Variants in EDA observed in about 807,000 individuals in gnomAD.
The protein encoded by EDA is ectodysplasin A, also known as ectodysplasin-A.
Under a neutral mutation model 23.6 loss-of-function variants are expected in EDA, and 2 were observed. That is an observed-to-expected ratio of 0.08 (90% CI 0.03 to 0.27). EDA has a LOEUF of 0.27. Among genes scored for constraint, EDA ranks in the 10% least tolerant of loss-of-function variants. The pLI is 1.00. For missense variants in EDA, 229 were observed against 324.2 expected (o/e 0.71, Z 2.26); for synonymous variants, 131 against 132.0 (o/e 0.99, Z 0.05).
At chrX:69,715,679 A>G (rs1252613010) in intron 1 of EDA, among the ~76,000 whole-genome samples, 1 of 111,885 alleles carries the variant, frequency 8.9e-6, no homozygotes, top group Non-Finnish European at 1.9e-5. Flanking sequence ...CAATAGTTGA[A>G]CTAATTTATT....
intron 1 of EDA, among the ~76,000 whole-genome samples, chrX:69,863,529 G>GTATATATATATACATATATA (rs1569358948): frequency 9.5e-5 from 3 of 31,496 alleles, no homozygotes; most frequent in African/African-American, 2.2e-4. Context: ...ATATATGTGT[G>GTATATATATATACATATATA]TGTATATATA....
intron 1 of EDA, among the ~76,000 whole-genome samples, chrX:69,946,885 G>A (rs1422748905): frequency 8.9e-6 from 1 of 112,066 alleles, no homozygotes; most frequent in Non-Finnish European, 1.9e-5. Flanking sequence ...TCTCATTTTA[G>A]TCATAACGCT....
intron 2 of EDA, among the ~76,000 whole-genome samples, chrX:69,971,973 T>C (rs779928135): frequency 9.0e-6 from 1 of 111,257 alleles, no homozygotes; most frequent in Admixed American, 9.6e-5. Flanking sequence ...GAGTTATATA[T>C]ATAAAATGGC....
chrX:69,820,395 G>T (rs1202665608), intron 1 of EDA, among the ~76,000 whole-genome samples: 1 of 111,710 alleles, frequency 9.0e-6, no homozygotes, highest in Non-Finnish European at 1.9e-5. Context: ...TTGACAAATG[G>T]GATCTAATTA....
At chrX:69,952,493 G>A (rs149507762) in intron 1 of EDA, among the ~76,000 whole-genome samples, 66 of 111,690 alleles carry the variant, frequency 5.9e-4, no homozygotes, top group African/African-American at 2.1e-3. Flanking sequence ...CCATGATTTA[G>A]TTGCCTCCCA....
intron 1 of EDA, among the ~76,000 whole-genome samples, chrX:69,709,726 C>A (rs2011893350): frequency 8.9e-6 from 1 of 111,818 alleles, no homozygotes; most frequent in South Asian, 3.7e-4. Context: ...AATTTTTGGA[C>A]TCTAGAGATC....
intron 1 of EDA, among the ~76,000 whole-genome samples, chrX:69,757,227 A>T (rs772783345): frequency 2.3e-4 from 25 of 110,963 alleles, no homozygotes; most frequent in Non-Finnish European, 3.8e-4. Context: ...GTCCTAGTAG[A>T]TGCTGTTGGA....
In EDA at chrX:70,010,098, T is replaced by C. The variant is rs890927468; in HGVS notation, c.503-13120T>C. On this transcript the variant is annotated intron_variant, in intron 2 of 7. Coordinates refer to ENST00000374552, the MANE Select transcript of EDA (RefSeq NM_001399.5). ...GAATGTGTATCCTACTATTGTTAGA[T>C]GAAGTATTCTATAAACGTCAGTTAG... Among the ~76,000 whole-genome samples, 6 of 112,133 alleles carry C rather than the reference T, an allele frequency of 5.4e-5. No homozygotes were observed. In the East Asian group the frequency reaches 1.7e-3, roughly 31 times the overall value.
At chrX:69,943,170 AT>A (rs1602552922) in intron 1 of EDA, among the ~76,000 whole-genome samples, 1 of 111,240 alleles carries the variant, frequency 9.0e-6, no homozygotes, top group South Asian at 3.8e-4. Flanking sequence ...CACATATCTC[AT>A]TTTCTCCAGG....
chrX:69,997,873 C>G (rs1353046844), intron 2 of EDA, among the ~76,000 whole-genome samples: 1 of 112,503 alleles, frequency 8.9e-6, no homozygotes, highest in East Asian at 2.8e-4. Flanking sequence ...TGCAAGTGTA[C>G]AGAAGTCAAG....
chrX:69,867,149 G>C (rs1259523296), intron 1 of EDA, among the ~76,000 whole-genome samples: 3 of 111,973 alleles, frequency 2.7e-5, no homozygotes, highest in African/African-American at 9.7e-5. Flanking sequence ...GCTGTAGCCA[G>C]GTCAGCCTTG....
intron 1 of EDA, among the ~76,000 whole-genome samples, chrX:69,753,521 T>C (rs1464863066): frequency 6.2e-5 from 7 of 112,072 alleles, no homozygotes; most frequent in Non-Finnish European, 1.3e-4. Flanking sequence ...TTGGAATAAG[T>C]GCAATGTGGT....
intron 1 of EDA, among the ~76,000 whole-genome samples, chrX:69,883,791 G>A (rs1016114652): frequency 7.2e-5 from 8 of 111,642 alleles, no homozygotes; most frequent in African/African-American, 1.6e-4. Context: ...CAACTAAGTA[G>A]TCTTAAAAAT....
intron 1 of EDA, among the ~76,000 whole-genome samples, chrX:69,756,255 A>G (rs760325202): frequency 1.8e-5 from 2 of 112,268 alleles, no homozygotes; most frequent in African/African-American, 6.5e-5. Flanking sequence ...TGAACACACA[A>G]TGTGTATTTT....
chrX:69,645,280 A>G (rs776889120), intron 1 of EDA, among the ~76,000 whole-genome samples: 3 of 109,127 alleles, frequency 2.7e-5, no homozygotes, highest in Non-Finnish European at 5.7e-5. Context: ...TTCAGAACTC[A>G]TTATTGGTCT....
chrX:69,967,863 A>T (rs1003715806), intron 2 of EDA, among the ~76,000 whole-genome samples: 13 of 112,275 alleles, frequency 1.2e-4, no homozygotes, highest in African/African-American at 3.2e-4. Flanking sequence ...TGGAAAGAGG[A>T]TGCCTTATTC....
At chrX:69,980,206 G>A (rs1400604701) in intron 2 of EDA, among the ~76,000 whole-genome samples, 1 of 111,241 alleles carries the variant, frequency 9.0e-6, no homozygotes, top group East Asian at 2.8e-4. Flanking sequence ...TGGGTGACAA[G>A]GAGTCAATAT....
At chrX:69,617,006 GCCC>G (rs5902659) in intron 1 of EDA, 3 of 419,049 alleles carry the variant, frequency 7.2e-6, no homozygotes, top group Non-Finnish European at 4.2e-6. Context: ...TGCCTGCGCT[GCCC>G]CCCGGCCGAC....
chrX:69,731,184 G>A (rs747662108), intron 1 of EDA, among the ~76,000 whole-genome samples: 1 of 111,203 alleles, frequency 9.0e-6, no homozygotes, highest in East Asian at 2.8e-4. Context: ...AATGTCTGTA[G>A]GGTATGTTGT....
Sources: gnomAD v4.1 joint callset for allele counts (sites outside exome capture counted in the v4.1 genomes callset) on GRCh38, gnomAD v4.1.1 for gene constraint, MANE v1.5 for transcripts, NCBI Gene and HGNC (gene_info 2026-07-23, HGNC 2026-07-21) for gene names.